The following MAP3K7 variants were observed in gnomAD, a reference collection of about 807,000 sequenced individuals.
MAP3K7 encodes the protein TGF-beta activated kinase 1.
MAP3K7 carries 21 observed loss-of-function variants against 84.8 expected under a neutral mutation model. The ratio of observed to expected loss-of-function variants is 0.25; its 90% confidence interval spans 0.18 to 0.36. The LOEUF is 0.36. Ranked by LOEUF, MAP3K7 falls within the 10% of genes least tolerant of loss-of-function variation. The pLI is 1.00. For synonymous variants in MAP3K7, 241 were observed against 247.7 expected, an observed-to-expected ratio of 0.97 and a Z score of 0.25; for missense variants, 503 against 747.7, an observed-to-expected ratio of 0.67 and a Z score of 3.82.
At chr6:90,541,753 AC>A (rs1274864138) in intron 12 of MAP3K7, among the ~76,000 whole-genome samples, 1 of 152,130 alleles carries the variant, frequency 6.6e-6, no homozygotes, top group East Asian at 1.9e-4. Context: ...CATAGTATAC[AC>A]ATTTTGAAGA....
At chr6:90,520,619 G>A (rs1188996829) in intron 14 of MAP3K7, among the ~76,000 whole-genome samples, 1 of 151,958 alleles carries the variant, frequency 6.6e-6, no homozygotes, top group Admixed American at 6.6e-5. Context: ...TATTGAAAAA[G>A]TAATGTTTAT....
intron 1 of MAP3K7, among the ~76,000 whole-genome samples, chr6:90,580,929 C>CGTTTTGTTTTGGGT (rs1157964721): frequency 5.3e-5 from 8 of 152,110 alleles, no homozygotes; most frequent in Non-Finnish European, 1.0e-4. Context: ...ATGGTTGAAA[C>CGTTTTGTTTTGGGT]CTCTTTGTTT....
At chr6:90,525,211 A>T (rs1425263949) in intron 13 of MAP3K7, among the ~76,000 whole-genome samples, 2 of 152,134 alleles carry the variant, frequency 1.3e-5, no homozygotes, top group Non-Finnish European at 1.5e-5. Flanking sequence ...TAAAAAAAGA[A>T]AACCAGGCAA....
intron 12 of MAP3K7, among the ~76,000 whole-genome samples, chr6:90,539,260 A>AT (rs1775777796): frequency 6.6e-6 from 1 of 151,988 alleles, no homozygotes; most frequent in African/African-American, 2.4e-5. Flanking sequence ...TTAGAGTTGA[A>AT]TTTTTTAGAT....
rs773273184 is a variant in MAP3K7 at position 90,548,094 on chromosome 6, T to C, written c.1033A>G (p.Ile345Val). 3 of 1,611,738 alleles carry C rather than the reference T, an allele frequency of 1.9e-6. No homozygotes were observed. The highest frequency in any genetic ancestry group is 2.5e-6 in the Non-Finnish European group (3 of 1,178,546). Residue 345 changes from isoleucine to valine, a missense_variant, in exon 10 of 17, where the codon ATT (isoleucine) becomes GTT (valine). Around this residue, in one of 5 missense-constraint regions of MAP3K7, gnomAD observed 286 missense variants for 313.6 expected, o/e 0.91. Coordinates refer to ENST00000369329, the MANE Select transcript of MAP3K7 (RefSeq NM_145331.3). ...AACAATTTTGATTCTAAGCGCTTAATAGTATCATTTGTGGCAGGAACTTGC... is the reference window on the plus strand; with the variant it reads ...AACAATTTTGATTCTAAGCGCTTAACAGTATCATTTGTGGCAGGAACTTGC... ...MEQVPATNDT[I>V]KRLESKLLKN... is the part of the protein sequence containing the mutation.
intron 7 of MAP3K7, among the ~76,000 whole-genome samples, chr6:90,552,730 A>C (rs1341857267): frequency 6.6e-6 from 1 of 152,232 alleles, no homozygotes; most frequent in Non-Finnish European, 1.5e-5. Flanking sequence ...TAACTTTACT[A>C]ATGAAGAGGA....
At chr6:90,582,414 GT>G (rs1170116478) in intron 1 of MAP3K7, among the ~76,000 whole-genome samples, 6 of 152,190 alleles carry the variant, frequency 3.9e-5, no homozygotes, top group Non-Finnish European at 8.8e-5. Flanking sequence ...GGTTACAAAA[GT>G]GAATAAAGCG....
intron 12 of MAP3K7, chr6:90,542,260 A>T: frequency 3.0e-6 from 3 of 984,504 alleles, no homozygotes; most frequent in Non-Finnish European, 3.6e-6. Flanking sequence ...CTATGAGCAC[A>T]TTCATGATTG....
intron 1 of MAP3K7, among the ~76,000 whole-genome samples, chr6:90,586,265 G>A (rs282069): frequency 0.34 from 51,837 of 150,538 alleles, 9,119 homozygotes; most frequent in South Asian, 0.43. Context: ...CCAGCTACTC[G>A]GGAGGCTGAG....
rs777961337 is a variant in MAP3K7 at position 90,560,057 on chromosome 6, T to C, written c.482+19A>G. The C allele has an allele frequency of 6.2e-7, 1 of 1,614,136 alleles. No individual in the cohort carries two copies. The highest frequency in any genetic ancestry group is 1.1e-5 in the South Asian group (1 of 91,080). On this transcript the variant is annotated intron_variant, in intron 5 of 16. Transcript: ENST00000369329. ...AGAAGGAGGAAGAGGCTGAGGGGTG[T>C]CACATTATTATAACTTACTTTGGTG...
chr6:90,553,216 A>T (rs867977602), intron 7 of MAP3K7, among the ~76,000 whole-genome samples: 1 of 152,114 alleles, frequency 6.6e-6, no homozygotes. Flanking sequence ...GCCTTTCCCT[A>T]ATCAGCGGAG....
chr6:90,585,466 C>G (rs1479780322), intron 1 of MAP3K7, among the ~76,000 whole-genome samples: 3 of 152,154 alleles, frequency 2.0e-5, no homozygotes, highest in African/African-American at 7.2e-5. Context: ...CGTTGACAAT[C>G]TATAATATTT....
intron 1 of MAP3K7, among the ~76,000 whole-genome samples, chr6:90,583,001 G>A (rs867718031): frequency 4.0e-5 from 6 of 150,748 alleles, no homozygotes; most frequent in Admixed American, 6.6e-5. Context: ...TCATGCCTCA[G>A]CCACTCAAGT....
At chr6:90,540,626 AT>A (rs1018616580) in intron 12 of MAP3K7, among the ~76,000 whole-genome samples, 18 of 151,830 alleles carry the variant, frequency 1.2e-4, no homozygotes, top group Non-Finnish European at 5.9e-5. Context: ...ATATGACAGT[AT>A]TTTTTTCCAG....
At chr6:90,547,025 T>C (rs1776022934) in intron 11 of MAP3K7, among the ~76,000 whole-genome samples, 1 of 152,194 alleles carries the variant, frequency 6.6e-6, no homozygotes, top group Non-Finnish European at 1.5e-5. Flanking sequence ...AATCTGTAAA[T>C]GAGGAAGGCA....
chr6:90,586,235 G>A (rs1253981603), intron 1 of MAP3K7, among the ~76,000 whole-genome samples: 1 of 151,502 alleles, frequency 6.6e-6, no homozygotes, highest in African/African-American at 2.4e-5. Flanking sequence ...AGCCAGGCGC[G>A]GTGGCGGGCG....
chr6:90,521,195 T>C (rs1415224196), intron 14 of MAP3K7, among the ~76,000 whole-genome samples: 1 of 152,078 alleles, frequency 6.6e-6, no homozygotes, highest in East Asian at 1.9e-4. Flanking sequence ...GATATTGAAC[T>C]TCCAATCTCT....
At chr6:90,548,220 T>C in intron 9 of MAP3K7, 43 bp from the exon 10 acceptor site, 1 of 1,551,966 alleles carries the variant, frequency 6.4e-7, no homozygotes, top group Non-Finnish European at 8.8e-7. Context: ...CTGGAAATAA[T>C]ACAAATGCTT....
chr6:90,548,836 G>A (rs576486449), intron 9 of MAP3K7, among the ~76,000 whole-genome samples: 44 of 151,398 alleles, frequency 2.9e-4, no homozygotes, highest in Admixed American at 2.6e-4. Context: ...CTGTCTGTAA[G>A]AAGGAGAAAG....
Sources: allele counts gnomAD v4.1 joint callset (sites outside exome capture counted in the v4.1 genomes callset), GRCh38; gene constraint gnomAD v4.1.1; regional missense constraint gnomAD v4.1.1; transcripts MANE v1.5; gene names NCBI Gene and HGNC (gene_info 2026-07-23, HGNC 2026-07-21).